The following KIAA1328 variants were observed in gnomAD, a reference collection of about 807,000 sequenced individuals.
KIAA1328 encodes the protein protein hinderin.
In KIAA1328, 52 loss-of-function variants were observed where a neutral mutation model predicts 68.1. The observed-to-expected ratio is 0.76, with a 90% CI of 0.61 to 0.96. The LOEUF (loss-of-function observed/expected upper bound fraction) is 0.96, where lower values mean the gene tolerates loss of function less well. KIAA1328 is among the 40% of genes least tolerant of loss of function. The pLI is 0.00. For missense variants in KIAA1328, 641 were observed against 677.6 expected, an observed-to-expected ratio of 0.95 and a Z score of 0.60; for synonymous variants, 232 against 239.4, an observed-to-expected ratio of 0.97 and a Z score of 0.28.
chr18:37,080,351 C>T (rs553744769), intron 7 of KIAA1328, among the ~76,000 whole-genome samples: 65 of 152,296 alleles, frequency 4.3e-4, no homozygotes, highest in Admixed American at 1.6e-3. Flanking sequence ...TATTTGCTTT[C>T]TGGCTTTAGG....
intron 7 of KIAA1328, among the ~76,000 whole-genome samples, chr18:37,137,953 C>T (rs957843385): frequency 2.0e-5 from 3 of 152,146 alleles, no homozygotes; most frequent in African/African-American, 7.2e-5. Context: ...CAGATCCAAT[C>T]CAATTATCTC....
At position 36,935,215 on chromosome 18, in the gene KIAA1328, A is replaced by G. The variant is rs185715061; in HGVS notation, c.449-24093A>G. Among the ~76,000 whole-genome samples the G allele has an allele frequency of 2.8e-3, 423 of 152,324 alleles. 1 individual carries two copies. The highest frequency in any genetic ancestry group is 4.7e-3 in the Non-Finnish European group (321 of 68,020). ...CTTTGCACTGCAGTGGTAGACTTGA[A>G]TGGTTGGTTACAGAAGGTGATGGCC... On this transcript the variant is annotated intron_variant, in intron 5 of 9. Transcript: ENST00000280020.
intron 9 of KIAA1328, among the ~76,000 whole-genome samples, chr18:37,198,981 C>G (rs1191029807): frequency 6.6e-6 from 1 of 152,158 alleles, no homozygotes; most frequent in Non-Finnish European, 1.5e-5. Context: ...TTTATCTGCA[C>G]TAACTTACAC....
chr18:37,222,310 TTG>T lies in KIAA1328; in HGVS notation c.*87_*88del. On this transcript the variant is annotated 3_prime_UTR_variant, in exon 10 of 10. Transcript: ENST00000280020. ...TTTAAATTATTTCATTGCAAAGTAATTGTGTCTCTCCTTTCACGGGGACTTGT... is the reference window on the plus strand; with the variant it reads ...TTTAAATTATTTCATTGCAAAGTAATTGTCTCTCCTTTCACGGGGACTTGT... 8.5e-6 allele frequency: 13 copies of T among 1,525,250 alleles called. No homozygotes were observed. Among genetic ancestry groups the T allele is most frequent in the Non-Finnish European group, 1.1e-5 (13 of 1,136,022 alleles). 94.5% of individuals were successfully genotyped at this position (1,525,250 alleles called of 1,614,324 possible).
intron 9 of KIAA1328, among the ~76,000 whole-genome samples, chr18:37,203,594 AAT>A (rs2060155638): frequency 6.6e-6 from 1 of 152,224 alleles, no homozygotes; most frequent in Non-Finnish European, 1.5e-5. Flanking sequence ...GGAAGTATGC[AAT>A]TTTAATGTTA....
intron 6 of KIAA1328, among the ~76,000 whole-genome samples, chr18:37,024,928 T>C (rs1010192109): frequency 6.6e-6 from 1 of 152,164 alleles, no homozygotes; most frequent in African/African-American, 2.4e-5. Context: ...GTATTCCTAG[T>C]TCTAGATCCC....
chr18:37,043,883 C>G (rs1053643877), intron 6 of KIAA1328, among the ~76,000 whole-genome samples: 6 of 152,182 alleles, frequency 3.9e-5, no homozygotes, highest in African/African-American at 1.4e-4. Flanking sequence ...AAATATCTGA[C>G]TGCCAGACAC....
At chr18:36,986,097 A>G (rs1457201214) in intron 6 of KIAA1328, among the ~76,000 whole-genome samples, 1 of 152,048 alleles carries the variant, frequency 6.6e-6, no homozygotes, top group Admixed American at 6.6e-5. Flanking sequence ...TAATCCAACC[A>G]TTATGCTAGG....
intron 6 of KIAA1328, among the ~76,000 whole-genome samples, chr18:36,993,880 T>C (rs1327445431): frequency 6.6e-6 from 1 of 152,052 alleles, no homozygotes; most frequent in Non-Finnish European, 1.5e-5. Flanking sequence ...CAGAGGTGTT[T>C]TATTTTCTAT....
chr18:36,957,441 A>G (rs536633963), intron 5 of KIAA1328, among the ~76,000 whole-genome samples: 14 of 152,122 alleles, frequency 9.2e-5, no homozygotes, highest in Non-Finnish European at 1.9e-4. Flanking sequence ...GGGTAGGACT[A>G]TTTGTCTCCC....
At chr18:37,001,517 T>C (rs1366107589) in intron 6 of KIAA1328, among the ~76,000 whole-genome samples, 2 of 152,168 alleles carry the variant, frequency 1.3e-5, no homozygotes, top group Non-Finnish European at 2.9e-5. Flanking sequence ...CCCTAACTCA[T>C]TCTACAAGGC....
At chr18:37,061,730 T>G (rs1259681754) in intron 6 of KIAA1328, among the ~76,000 whole-genome samples, 2 of 152,214 alleles carry the variant, frequency 1.3e-5, no homozygotes, top group Non-Finnish European at 2.9e-5. Flanking sequence ...TCAACTCTAC[T>G]AATAAAATAG....
chr18:37,205,422 G>A (rs1366221925), intron 9 of KIAA1328, among the ~76,000 whole-genome samples: 1 of 152,130 alleles, frequency 6.6e-6, no homozygotes, highest in Non-Finnish European at 1.5e-5. Flanking sequence ...CTTTAGGTGG[G>A]AAAAGACAGG....
Position 37,089,071 on chromosome 18 carries a change from A to G in KIAA1328, c.1232+21526A>G, listed in dbSNP as rs139209105. Among the ~76,000 whole-genome samples, 22 of 152,048 alleles carry G rather than the reference A, an allele frequency of 1.4e-4. No homozygotes were observed. The East Asian group carries it at 4.1e-3, about 28-fold the overall frequency. Reference sequence around the variant, plus strand: ...ACAGTACATAATGGTTATTTATCAGAGCTATAGTAAGTAGAGTAATTCTGC... The same window carrying G: ...ACAGTACATAATGGTTATTTATCAGGGCTATAGTAAGTAGAGTAATTCTGC... On this transcript the variant is annotated intron_variant, in intron 7 of 9. Transcript: ENST00000280020.
intron 9 of KIAA1328, among the ~76,000 whole-genome samples, chr18:37,182,445 A>G (rs1048179720): frequency 3.3e-5 from 5 of 152,138 alleles, no homozygotes; most frequent in African/African-American, 1.2e-4. Context: ...ATAAAATGGG[A>G]GTAATAATAT....
At chr18:36,862,277 G>A (rs1256056228) in intron 4 of KIAA1328, among the ~76,000 whole-genome samples, 1 of 151,458 alleles carries the variant, frequency 6.6e-6, no homozygotes, top group Non-Finnish European at 1.5e-5. Flanking sequence ...GTGTAGATTT[G>A]TGTACCATTG....
At chr18:36,872,623 A>G (rs2047985421) in intron 4 of KIAA1328, among the ~76,000 whole-genome samples, 1 of 152,192 alleles carries the variant, frequency 6.6e-6, no homozygotes, top group Non-Finnish European at 1.5e-5. Context: ...AAGTCTGCCC[A>G]TTACCAAGAA....
At chr18:37,013,614 G>A (rs566853472) in intron 6 of KIAA1328, among the ~76,000 whole-genome samples, 1 of 152,180 alleles carries the variant, frequency 6.6e-6, no homozygotes, top group South Asian at 2.1e-4. Context: ...TTCTGTTCCT[G>A]CATTAATTCA....
chr18:37,085,320 G>A (rs1160442085), intron 7 of KIAA1328, among the ~76,000 whole-genome samples: 4 of 152,144 alleles, frequency 2.6e-5, no homozygotes, highest in African/African-American at 4.8e-5. Context: ...TGCCCAAACA[G>A]AGGGTATCTC....
Sources: gnomAD v4.1 joint callset for allele counts (sites outside exome capture counted in the v4.1 genomes callset) on GRCh38, gnomAD v4.1.1 for gene constraint, MANE v1.5 for transcripts, NCBI Gene and HGNC (gene_info 2026-07-23, HGNC 2026-07-21) for gene names.